Variants in KCNIP4 observed in about 807,000 individuals in gnomAD.
KCNIP4 encodes the protein potassium voltage-gated channel interacting protein 4.
A neutral mutation model predicts 34.0 loss-of-function variants in KCNIP4; 12 were observed. That is an observed-to-expected ratio of 0.35 (90% CI 0.23 to 0.57). The LOEUF is 0.57. Ranked by LOEUF, KCNIP4 falls within the 20% of genes least tolerant of loss-of-function variation. The pLI is 0.83. For missense variants in KCNIP4, 238 were observed against 311.7 expected (o/e 0.76, Z 1.78); for synonymous variants, 124 against 102.2 (o/e 1.21, Z -1.29).
At chr4:21,088,013 A>G (rs1746623390) in intron 1 of KCNIP4, among the ~76,000 whole-genome samples, 1 of 152,092 alleles carries the variant, frequency 6.6e-6, no homozygotes, top group African/African-American at 2.4e-5. Flanking sequence ...CTAAATGTTC[A>G]TCGCCTGGAC....
intron 1 of KCNIP4, among the ~76,000 whole-genome samples, chr4:21,777,372 T>C (rs556085849): frequency 1.1e-4 from 17 of 152,352 alleles, no homozygotes; most frequent in South Asian, 6.2e-4. Context: ...ATCAGGTCAA[T>C]ACAGTAATCA....
intron 1 of KCNIP4, among the ~76,000 whole-genome samples, chr4:21,079,679 A>C (rs1745828925): frequency 6.6e-6 from 1 of 151,904 alleles, no homozygotes; most frequent in Admixed American, 6.6e-5. Context: ...TGTAAATGGA[A>C]TTAAGGTTGC....
chr4:21,440,394 T>C (rs1402150410), intron 1 of KCNIP4, among the ~76,000 whole-genome samples: 1 of 152,252 alleles, frequency 6.6e-6, no homozygotes, highest in South Asian at 2.1e-4. Flanking sequence ...TCAATTGTCA[T>C]CTAATTGGAA....
intron 1 of KCNIP4, among the ~76,000 whole-genome samples, chr4:20,972,602 T>C (rs2149679225): frequency 6.6e-6 from 1 of 152,316 alleles, no homozygotes; most frequent in East Asian, 1.9e-4. Flanking sequence ...TCATTCAGGC[T>C]TTGTTGTTCC....
At chr4:21,679,428 T>C (rs1750169960) in intron 1 of KCNIP4, among the ~76,000 whole-genome samples, 1 of 152,158 alleles carries the variant, frequency 6.6e-6, no homozygotes, top group Non-Finnish European at 1.5e-5. Context: ...GTTGGATAAT[T>C]GAATCCTAGC....
intron 1 of KCNIP4, among the ~76,000 whole-genome samples, chr4:21,002,778 G>A (rs950044425): frequency 1.2e-4 from 19 of 152,124 alleles, no homozygotes; most frequent in African/African-American, 4.1e-4. Flanking sequence ...CCACCTGAAC[G>A]CAGAACAATG....
chr4:20,951,843 C>T, intron 1 of KCNIP4, among the ~76,000 whole-genome samples: 1 of 152,248 alleles, frequency 6.6e-6, no homozygotes, highest in South Asian at 2.1e-4. Context: ...CAGTCAAAAA[C>T]CATGTATTCT....
rs190118574 is a variant in KCNIP4, at chr4:20,920,763, G to A, written c.62-38054C>T. On this transcript the variant is annotated intron_variant, in intron 1 of 8. Transcript: ENST00000382152. ...TCCCAGCACTTTGGGAGGCCGAGGC[G>A]GGTGGATCACAAGGTCAGGAGTTCG... is the stretch of plus-strand genomic sequence containing the variant. Among the ~76,000 whole-genome samples, 317 of 152,224 alleles carry A rather than the reference G, an allele frequency of 2.1e-3. 2 individuals are homozygous for A. Among genetic ancestry groups the A allele is most frequent in the African/African-American group, 6.7e-3 (278 of 41,524 alleles).
At chr4:21,017,088 T>A (rs1012969959) in intron 1 of KCNIP4, among the ~76,000 whole-genome samples, 1 of 152,222 alleles carries the variant, frequency 6.6e-6, no homozygotes, top group Non-Finnish European at 1.5e-5. Flanking sequence ...AGAAATCTTA[T>A]CACATCTTCA....
At chr4:21,041,266 G>A (rs866393577) in intron 1 of KCNIP4, among the ~76,000 whole-genome samples, 30 of 110,974 alleles carry the variant, frequency 2.7e-4, no homozygotes, top group East Asian at 6.1e-4. Context: ...ACACACACAC[G>A]CACATGAAAA....
chr4:21,312,728 C>A (rs1273442945), intron 1 of KCNIP4, among the ~76,000 whole-genome samples: 8 of 152,160 alleles, frequency 5.3e-5, no homozygotes, highest in African/African-American at 1.9e-4. Context: ...GCATTCATGA[C>A]AACTTTCTCT....
intron 1 of KCNIP4, among the ~76,000 whole-genome samples, chr4:21,441,097 G>T (rs1727428016): frequency 6.6e-6 from 1 of 150,516 alleles, no homozygotes; most frequent in East Asian, 1.9e-4. Flanking sequence ...TATTCTCACT[G>T]CTTCAGGGTC....
intron 1 of KCNIP4, among the ~76,000 whole-genome samples, chr4:21,854,540 T>A (rs1238552223): frequency 6.6e-6 from 1 of 152,214 alleles, no homozygotes; most frequent in Non-Finnish European, 1.5e-5. Context: ...AGGTGAAGAA[T>A]GACAAAGGCA....
intron 1 of KCNIP4, among the ~76,000 whole-genome samples, chr4:21,388,176 A>C (rs1449709015): frequency 1.7e-4 from 25 of 150,454 alleles, no homozygotes; most frequent in Admixed American, 1.6e-3. Flanking sequence ...AGCTGAGTAA[A>C]TTATAACGGA....
At chr4:21,296,037 G>A (rs1763822091) in intron 1 of KCNIP4, among the ~76,000 whole-genome samples, 1 of 152,218 alleles carries the variant, frequency 6.6e-6, no homozygotes, top group Non-Finnish European at 1.5e-5. Context: ...AAGAATGGAG[G>A]CTTTATCTGT....
chr4:21,637,464 T>C (rs1746276120), intron 1 of KCNIP4, among the ~76,000 whole-genome samples: 1 of 152,080 alleles, frequency 6.6e-6, no homozygotes, highest in African/African-American at 2.4e-5. Context: ...AAAGAGGTCC[T>C]AATATTTTAC....
chr4:21,590,995 C>T (rs577558884), intron 1 of KCNIP4, among the ~76,000 whole-genome samples: 30 of 152,004 alleles, frequency 2.0e-4, no homozygotes, highest in African/African-American at 5.8e-4. Flanking sequence ...CACAAGAACA[C>T]TATACCTTGT....
At chr4:21,895,673 A>C (rs7661690) in intron 1 of KCNIP4, among the ~76,000 whole-genome samples, 4,816 of 152,290 alleles carry the variant, frequency 0.032, 103 homozygotes, top group Non-Finnish European at 0.047. Context: ...AAAGTAAGGT[A>C]AGTATCTATA....
chr4:20,878,693 G>C (rs550541268), intron 2 of KCNIP4, among the ~76,000 whole-genome samples: 1 of 152,144 alleles, frequency 6.6e-6, no homozygotes, highest in Non-Finnish European at 1.5e-5. Flanking sequence ...GAAATTAAGA[G>C]GTGGAGAATT....
Sources: allele counts gnomAD v4.1 joint callset (sites outside exome capture counted in the v4.1 genomes callset), GRCh38; gene constraint gnomAD v4.1.1; transcripts MANE v1.5; gene names NCBI Gene and HGNC (gene_info 2026-07-23, HGNC 2026-07-21).